Variants in RAI14 observed in about 807,000 individuals in gnomAD.
RAI14 encodes the protein retinoic acid induced 14.
Under a neutral mutation model 115.4 loss-of-function variants are expected in RAI14, and 45 were observed. That is an observed-to-expected ratio of 0.39 (90% CI 0.31 to 0.50). The LOEUF (loss-of-function observed/expected upper bound fraction) is 0.50, where lower values mean the gene tolerates loss of function less well. Among genes scored for constraint, RAI14 ranks in the 20% least tolerant of loss-of-function variants. The pLI is 0.85. For synonymous variants in RAI14, 371 were observed against 415.4 expected, an observed-to-expected ratio of 0.89 and a Z score of 1.30; for missense variants, 939 against 1,131.2, an observed-to-expected ratio of 0.83 and a Z score of 2.44.
chr5:34,782,244 T>C (rs921085667), intron 3 of RAI14, among the ~76,000 whole-genome samples: 1 of 152,206 alleles, frequency 6.6e-6, no homozygotes, highest in African/African-American at 2.4e-5. Context: ...ATGGCCAGAT[T>C]TGGGGGCCTG....
chr5:34,773,193 A>G (rs184934556), intron 3 of RAI14, among the ~76,000 whole-genome samples: 1 of 152,310 alleles, frequency 6.6e-6, no homozygotes, highest in Non-Finnish European at 1.5e-5. Flanking sequence ...AGTGTGGGAA[A>G]ATTGGATATC....
chr5:34,822,844 C>G (rs977550007), intron 14 of RAI14, 112 bp from the exon 15 acceptor site: 1 of 965,428 alleles, frequency 1.0e-6, no homozygotes, highest in South Asian at 1.8e-5. Flanking sequence ...CCACCACGCC[C>G]GGCTAATTTT....
At chr5:34,749,545 A>G (rs970098229) in intron 2 of RAI14, among the ~76,000 whole-genome samples, 1 of 152,210 alleles carries the variant, frequency 6.6e-6, no homozygotes, top group African/African-American at 2.4e-5. Flanking sequence ...CCCGGTTGAC[A>G]TGATGTTTGC....
intron 2 of RAI14, among the ~76,000 whole-genome samples, chr5:34,726,686 G>A (rs939963320): frequency 1.5e-4 from 23 of 152,136 alleles, no homozygotes; most frequent in African/African-American, 1.4e-4. Flanking sequence ...TTCCCGTGCT[G>A]TTCTCAGGAT....
chr5:34,684,339 G>A (rs1355532609), intron 1 of RAI14, among the ~76,000 whole-genome samples: 1 of 152,178 alleles, frequency 6.6e-6, no homozygotes, highest in East Asian at 1.9e-4. Flanking sequence ...CTAAAAGATT[G>A]CATTTAGTCC....
chr5:34,724,873 A>G (rs1743246405), intron 2 of RAI14, among the ~76,000 whole-genome samples: 1 of 152,190 alleles, frequency 6.6e-6, no homozygotes, highest in Non-Finnish European at 1.5e-5. Context: ...GATTGAGGCT[A>G]AGAAAACTGG....
chr5:34,808,390 C>T (rs1755173093), intron 6 of RAI14, among the ~76,000 whole-genome samples, 194 bp from the exon 7 acceptor site: 1 of 152,224 alleles, frequency 6.6e-6, no homozygotes, highest in African/African-American at 2.4e-5. Context: ...TTTAGGCCTG[C>T]ATAACTCTGA....
At chr5:34,672,949 C>A (rs986783970) in intron 1 of RAI14, among the ~76,000 whole-genome samples, 1 of 152,000 alleles carries the variant, frequency 6.6e-6, no homozygotes. Context: ...GGGAAACAAG[C>A]TTCCTTGTTT....
chr5:34,658,815 ATAAG>A (rs962825733), intron 1 of RAI14, among the ~76,000 whole-genome samples: 3 of 151,376 alleles, frequency 2.0e-5, no homozygotes, highest in South Asian at 2.1e-4. Flanking sequence ...AAATAAATAA[ATAAG>A]TATGAAATAT....
chr5:34,776,019 A>C (rs923779587), intron 3 of RAI14, among the ~76,000 whole-genome samples: 6 of 152,214 alleles, frequency 3.9e-5, no homozygotes, highest in African/African-American at 1.4e-4. Flanking sequence ...GAAGCAACCT[A>C]AGTGTCCATC....
intron 2 of RAI14, among the ~76,000 whole-genome samples, chr5:34,698,647 A>G (rs1420288898): frequency 3.9e-5 from 6 of 152,164 alleles, no homozygotes; most frequent in African/African-American, 1.4e-4. Flanking sequence ...GGTGGGGTGA[A>G]GAGACTCTAA....
At chr5:34,682,670 G>A (rs1332939007) in intron 1 of RAI14, among the ~76,000 whole-genome samples, 2 of 152,140 alleles carry the variant, frequency 1.3e-5, no homozygotes, top group Admixed American at 1.3e-4. Flanking sequence ...CCATATTTCA[G>A]GGACTTATTT....
intron 1 of RAI14, among the ~76,000 whole-genome samples, chr5:34,660,230 C>T (rs1411081325): frequency 2.6e-5 from 4 of 151,746 alleles, no homozygotes; most frequent in South Asian, 2.1e-4. Flanking sequence ...GTCAGGAGTT[C>T]GAGACCAGCC....
intron 2 of RAI14, among the ~76,000 whole-genome samples, chr5:34,727,133 T>C (rs1172993275): frequency 6.6e-6 from 1 of 152,138 alleles, no homozygotes; most frequent in Non-Finnish European, 1.5e-5. Context: ...GACAATGAAG[T>C]CTAGGCTGAA....
At chr5:34,665,198 T>TATATATATATATATATATATAC (rs369742853) in intron 1 of RAI14, among the ~76,000 whole-genome samples, 2 of 75,708 alleles carry the variant, frequency 2.6e-5, no homozygotes, top group South Asian at 4.3e-4. Context: ...TGTATATATA[T>TATATATATATATATATATATAC]ACACACACCA....
chr5:34,784,534 A>G lies in RAI14; in HGVS notation c.168-11405A>G, dbSNP rs181720525. 8.4e-3 allele frequency among the ~76,000 whole-genome samples: 1,285 copies of G among 152,316 alleles called. 10 individuals carry two copies. The highest frequency in any genetic ancestry group is 0.013 in the Non-Finnish European group (874 of 68,018). ...CAGTAATTTTTCCAGGATCATATCC[A>G]TGTAATTTAACAATCTGAGTTCTCC... On this transcript the variant is annotated intron_variant, in intron 3 of 17. Transcript: ENST00000265109.
intron 5 of RAI14, 43 bp from the exon 6 acceptor site, chr5:34,807,757 C>G: frequency 7.1e-7 from 1 of 1,409,824 alleles, no homozygotes; most frequent in Non-Finnish European, 1.0e-6. Flanking sequence ...AGAATTGGGG[C>G]AGGGTATTTT....
intron 3 of RAI14, among the ~76,000 whole-genome samples, chr5:34,777,795 AC>A (rs1751058594): frequency 6.6e-6 from 1 of 151,982 alleles, no homozygotes; most frequent in South Asian, 2.1e-4. Flanking sequence ...ACAAAACAAA[AC>A]AAAAAAACCT....
At chr5:34,744,325 A>G (rs1300908299) in intron 2 of RAI14, among the ~76,000 whole-genome samples, 1 of 152,162 alleles carries the variant, frequency 6.6e-6, no homozygotes, top group Non-Finnish European at 1.5e-5. Context: ...CCTTATGAAC[A>G]TGTTTATAAA....
Sources: allele counts gnomAD v4.1 joint callset (sites outside exome capture counted in the v4.1 genomes callset), GRCh38; gene constraint gnomAD v4.1.1; transcripts MANE v1.5; gene names NCBI Gene and HGNC (gene_info 2026-07-23, HGNC 2026-07-21).